Variants in VPS53 observed in about 807,000 individuals in gnomAD.
VPS53 encodes vacuolar protein sorting-associated protein 53 homolog.
In VPS53, 70 loss-of-function variants were observed where a neutral mutation model predicts 107.0. That is an observed-to-expected ratio of 0.65 (90% CI 0.54 to 0.80). The LOEUF is 0.80. VPS53 is among the 30% of genes least tolerant of loss of function. VPS53 has a pLI of 0.00. For synonymous variants in VPS53, 409 were observed against 393.3 expected, an observed-to-expected ratio of 1.04 and a Z score of -0.47; for missense variants, 917 against 1,049.4, an observed-to-expected ratio of 0.87 and a Z score of 1.74.
At chr17:712,941 T>C (rs1973696976) in intron 1 of VPS53, among the ~76,000 whole-genome samples, 3 of 152,152 alleles carry the variant, frequency 2.0e-5, no homozygotes, top group Admixed American at 1.3e-4. Context: ...AGGAGGTAAG[T>C]GGTGGAGCCG....
chr17:602,487 A>C (rs1204085783), intron 11 of VPS53, among the ~76,000 whole-genome samples: 1 of 152,224 alleles, frequency 6.6e-6, no homozygotes, highest in Non-Finnish European at 1.5e-5. Flanking sequence ...CCATTACAAC[A>C]ACCACAACAG....
intron 11 of VPS53, among the ~76,000 whole-genome samples, chr17:603,313 T>C (rs1255088885): frequency 1.3e-5 from 2 of 152,078 alleles, no homozygotes; most frequent in Non-Finnish European, 2.9e-5. Context: ...TCCCAGCTAC[T>C]TGGGAGGCTG....
intron 13 of VPS53, among the ~76,000 whole-genome samples, chr17:572,383 C>T (rs544236325): frequency 2.7e-5 from 4 of 150,646 alleles, no homozygotes; most frequent in Non-Finnish European, 5.9e-5. Context: ...GCGTCTCCGC[C>T]GGGCAGCCAC....
intron 7 of VPS53, among the ~76,000 whole-genome samples, chr17:649,691 C>T (rs403314): frequency 0.79 from 107,518 of 136,264 alleles, 41,868 homozygotes; most frequent in African/African-American, 0.83. Flanking sequence ...CACTGGAGGA[C>T]AGAGGAATGG....
intron 4 of VPS53, among the ~76,000 whole-genome samples, chr17:688,954 G>C (rs939280123): frequency 5.3e-5 from 8 of 152,088 alleles, no homozygotes; most frequent in African/African-American, 1.9e-4. Context: ...TAACAGAAAA[G>C]AAACAAAAAA....
chr17:572,572 T>C (rs1300424176), intron 13 of VPS53, among the ~76,000 whole-genome samples: 1 of 151,796 alleles, frequency 6.6e-6, no homozygotes, highest in Non-Finnish European at 1.5e-5. Context: ...CAATGGCGGT[T>C]TTGTGGAATA....
chr17:577,426 A>G (rs1914718757), intron 13 of VPS53, among the ~76,000 whole-genome samples: 1 of 150,600 alleles, frequency 6.6e-6, no homozygotes, highest in Non-Finnish European at 1.5e-5. Context: ...CTCAGAACCT[A>G]ATGCGTTCCC....
At chr17:610,965 ATATC>A (rs1968844268) in intron 11 of VPS53, among the ~76,000 whole-genome samples, 1 of 151,932 alleles carries the variant, frequency 6.6e-6, no homozygotes, top group Admixed American at 6.6e-5. Flanking sequence ...GTTATAGAAT[ATATC>A]TAGAATGTGT....
intron 12 of VPS53, among the ~76,000 whole-genome samples, chr17:599,779 AAAC>A (rs1465852700): frequency 0.092 from 13,497 of 146,446 alleles, 671 homozygotes; most frequent in East Asian, 0.2. Flanking sequence ...AAAAAAACAA[AAAC>A]AAAATGACTT....
Position 627,247 on chromosome 17 carries a change from T to C in VPS53, c.901A>G (p.Lys301Glu). Residue 301 changes from lysine to glutamate, a missense_variant, in exon 10 of 22, where the codon AAA (lysine) becomes GAA (glutamate). Transcript: ENST00000437048. Reference protein sequence around the residue: ...IKRQLVDYEEKYGRMFPREWC... With the variant: ...IKRQLVDYEEEYGRMFPREWC... ...TCACGTGGAAACATGCGGCCGTATT[T>C]CTCCTCATAGTCCACAAGCTGGCGT... The C allele has an allele frequency of 6.2e-7, 1 of 1,614,056 alleles. No individual in the cohort carries two copies. The highest frequency in any genetic ancestry group is 8.5e-7 in the Non-Finnish European group (1 of 1,179,996).
rs539987953 is a variant in VPS53 at position 618,375 on chromosome 17, C to T, written c.1116+5158G>A. On this transcript the variant is annotated intron_variant, in intron 11 of 21. Transcript: ENST00000437048. ...ACCACCACGCCCCACTAATATTTCC[C>T]GGGTAGCTGGGACTACAGGCGTGCA... Among the ~76,000 whole-genome samples the T allele has an allele frequency of 3.7e-3, 406 of 109,292 alleles. 24 individuals are homozygous for T. Among genetic ancestry groups the T allele is most frequent in the Non-Finnish European group, 5.9e-3 (279 of 47,442 alleles). 71.7% of individuals were successfully genotyped at this position (109,292 alleles called of 152,430 possible).
intron 13 of VPS53, among the ~76,000 whole-genome samples, chr17:574,555 A>G (rs1026130645): frequency 7.9e-5 from 12 of 152,116 alleles, no homozygotes; most frequent in African/African-American, 2.4e-4. Context: ...TCTTAAGCCC[A>G]GGAGTTCGAG....
chr17:621,895 T>C (rs11649766), intron 11 of VPS53, among the ~76,000 whole-genome samples: 35,560 of 152,096 alleles, frequency 0.23, 4,372 homozygotes, highest in Admixed American at 0.32. Context: ...TTTTATGTCT[T>C]ATTTAGTCTC....
intron 7 of VPS53, among the ~76,000 whole-genome samples, chr17:635,863 T>C (rs1970178116): frequency 6.6e-6 from 1 of 152,240 alleles, no homozygotes; most frequent in Admixed American, 6.5e-5. Context: ...TGGCTTAAGA[T>C]TGTCTTGGCA....
At chr17:556,086 G>A (rs2151843786) in intron 15 of VPS53, among the ~76,000 whole-genome samples, 1 of 152,218 alleles carries the variant, frequency 6.6e-6, no homozygotes, top group Middle Eastern at 3.4e-3. Context: ...AGACCAGCCT[G>A]AGCAACACAG....
intron 17 of VPS53, among the ~76,000 whole-genome samples, chr17:547,004 A>C (rs1207474460): frequency 1.3e-5 from 2 of 150,842 alleles, no homozygotes; most frequent in Non-Finnish European, 2.9e-5. Flanking sequence ...CCTCCCAAGT[A>C]GCTGGGATTA....
intron 1 of VPS53, among the ~76,000 whole-genome samples, chr17:713,556 G>A (rs1368462710): frequency 1.3e-5 from 2 of 152,146 alleles, no homozygotes; most frequent in East Asian, 3.9e-4. Context: ...AGGAGGCTGA[G>A]GCAGGAGAAT....
chr17:547,200 T>C (rs1911282629), intron 17 of VPS53, among the ~76,000 whole-genome samples: 1 of 152,164 alleles, frequency 6.6e-6, no homozygotes, highest in Non-Finnish European at 1.5e-5. Flanking sequence ...TGAAGAGAAC[T>C]GAAAACATGT....
chr17:644,532 C>A (rs962544924), intron 7 of VPS53, among the ~76,000 whole-genome samples: 1 of 152,124 alleles, frequency 6.6e-6, no homozygotes, highest in Non-Finnish European at 1.5e-5. Context: ...CAATCCTAGT[C>A]AAGCACTGAA....
Sources: gnomAD v4.1 joint callset for allele counts (sites outside exome capture counted in the v4.1 genomes callset) on GRCh38, gnomAD v4.1.1 for gene constraint, MANE v1.5 for transcripts, NCBI Gene and HGNC (gene_info 2026-07-23, HGNC 2026-07-21) for gene names.